The following CACNA2D3 variants were observed in gnomAD, a reference collection of about 807,000 sequenced individuals.
CACNA2D3 encodes voltage-dependent calcium channel subunit alpha-2/delta-3.
In CACNA2D3, 60 loss-of-function variants were observed where a neutral mutation model predicts 160.6. That is an observed-to-expected ratio of 0.37 (90% CI 0.30 to 0.46). CACNA2D3 has a LOEUF of 0.46. Among genes scored for constraint, CACNA2D3 ranks in the 20% least tolerant of loss-of-function variants. The probability of loss-of-function intolerance (pLI) is 1.00; values close to 1 mark genes in which losing one functional copy is unlikely to be tolerated. For missense variants in CACNA2D3, 1,205 were observed against 1,365.0 expected (o/e 0.88, Z 1.85); for synonymous variants, 558 against 492.9 (o/e 1.13, Z -1.75).
intron 11 of CACNA2D3, among the ~76,000 whole-genome samples, chr3:54,649,576 T>C (rs1164395196): frequency 6.6e-6 from 1 of 152,228 alleles, no homozygotes; most frequent in African/African-American, 2.4e-5. Context: ...GGTACAGTTC[T>C]TTTTGAGGCC....
At chr3:54,947,993 A>C (rs1369456099) in intron 27 of CACNA2D3, among the ~76,000 whole-genome samples, 2 of 152,208 alleles carry the variant, frequency 1.3e-5, no homozygotes, top group African/African-American at 4.8e-5. Context: ...ATCTGGAACC[A>C]CAGATGGGGG....
intron 4 of CACNA2D3, among the ~76,000 whole-genome samples, chr3:54,458,036 C>T (rs1223635530): frequency 6.6e-6 from 1 of 151,904 alleles, no homozygotes; most frequent in African/African-American, 2.4e-5. Context: ...TCCATTCTGC[C>T]AGCCTATATC....
In CACNA2D3 at chr3:54,879,094, AT is replaced by A. The variant is rs1699731060; in HGVS notation, c.1782+10del. 1.3e-6 allele frequency: 2 copies of A among 1,576,050 alleles called. No individual in the cohort carries two copies. The highest frequency in any genetic ancestry group is 1.2e-5 in the South Asian group (1 of 85,852). ...AAGAAGACAGTGGACAAAGGGGTAC[AT>A]TTTTCTCAAACATTTTTGCTGCTTA... is the stretch of plus-strand genomic sequence containing the variant. On this transcript the variant is annotated splice_donor_region_variant and intron_variant, in intron 19 of 37. Coordinates refer to ENST00000474759, the MANE Select transcript of CACNA2D3 (RefSeq NM_018398.3).
chr3:54,804,079 T>C (rs549170672), intron 13 of CACNA2D3, among the ~76,000 whole-genome samples: 2,356 of 151,840 alleles, frequency 0.016, 34 homozygotes, highest in African/African-American at 0.04. Flanking sequence ...AAGGAACAAC[T>C]GGTACCAGCC....
intron 31 of CACNA2D3, among the ~76,000 whole-genome samples, chr3:55,004,139 T>G (rs1703038206): frequency 6.6e-6 from 1 of 152,194 alleles, no homozygotes; most frequent in African/African-American, 2.4e-5. Flanking sequence ...TTATCGCCAG[T>G]GTAGGAAAAA....
intron 5 of CACNA2D3, among the ~76,000 whole-genome samples, chr3:54,524,484 G>A (rs1701694160): frequency 6.6e-6 from 1 of 151,734 alleles, no homozygotes; most frequent in Non-Finnish European, 1.5e-5. Context: ...ATTGTTGGGT[G>A]GTGTCTGTTG....
chr3:54,769,591 C>T (rs1398349302), intron 13 of CACNA2D3, among the ~76,000 whole-genome samples: 1 of 152,110 alleles, frequency 6.6e-6, no homozygotes, highest in African/African-American at 2.4e-5. Flanking sequence ...ATACGACCTG[C>T]CTTCCAGGGT....
intron 3 of CACNA2D3, among the ~76,000 whole-genome samples, chr3:54,322,498 G>T (rs1432860557): frequency 2.6e-5 from 4 of 152,210 alleles, no homozygotes; most frequent in Admixed American, 2.6e-4. Flanking sequence ...GACCAAACAG[G>T]CTTGGCAGGG....
At chr3:54,164,179 T>G (rs375964885) in intron 2 of CACNA2D3, among the ~76,000 whole-genome samples, 71 of 152,336 alleles carry the variant, frequency 4.7e-4, no homozygotes, top group African/African-American at 1.7e-3. Flanking sequence ...TGTCACTGTT[T>G]CTGTGTGTGA....
chr3:54,765,859 G>T (rs1429958668), intron 13 of CACNA2D3, among the ~76,000 whole-genome samples: 2 of 152,184 alleles, frequency 1.3e-5, no homozygotes, highest in Admixed American at 6.6e-5. Flanking sequence ...TGTCAGATCA[G>T]TGGGGCTAAG....
At chr3:55,028,803 C>T (rs1435050543) in intron 35 of CACNA2D3, among the ~76,000 whole-genome samples, 1 of 152,104 alleles carries the variant, frequency 6.6e-6, no homozygotes, top group East Asian at 1.9e-4. Context: ...CTCATCACTT[C>T]TCATAAAAAT....
rs1280480954 is a variant in CACNA2D3, at chr3:54,292,764, C to T, written c.205-27678C>T. ...GGTATAGCTGCTGTGGGAAACAGTT[C>T]AGTAGTTCTACAAAAAGTTAAATAT... On this transcript the variant is annotated intron_variant, in intron 2 of 37. Transcript: ENST00000474759. 3.9e-5 allele frequency among the ~76,000 whole-genome samples: 6 copies of T among 152,144 alleles called. No individual in the cohort carries two copies. The East Asian group carries it at 9.6e-4, about 24-fold the overall frequency.
At chr3:54,246,213 T>C (rs1281433996) in intron 2 of CACNA2D3, among the ~76,000 whole-genome samples, 1 of 152,252 alleles carries the variant, frequency 6.6e-6, no homozygotes, top group Non-Finnish European at 1.5e-5. Context: ...TCCTTTATAC[T>C]TGAAATTAAT....
intron 4 of CACNA2D3, among the ~76,000 whole-genome samples, chr3:54,400,930 A>T (rs1258737315): frequency 6.6e-6 from 1 of 152,176 alleles, no homozygotes; most frequent in East Asian, 1.9e-4. Context: ...TCTAAAAAGG[A>T]ATTCAGAATA....
At chr3:54,410,002 CT>C (rs1699638906) in intron 4 of CACNA2D3, among the ~76,000 whole-genome samples, 1 of 152,154 alleles carries the variant, frequency 6.6e-6, no homozygotes, top group Non-Finnish European at 1.5e-5. Flanking sequence ...ACATATAAGG[CT>C]GATGCAACAA....
intron 5 of CACNA2D3, among the ~76,000 whole-genome samples, chr3:54,552,126 T>G (rs1349395026): frequency 6.6e-6 from 1 of 152,140 alleles, no homozygotes; most frequent in Non-Finnish European, 1.5e-5. Flanking sequence ...GTCCAAATGC[T>G]GATAGTGATG....
intron 35 of CACNA2D3, among the ~76,000 whole-genome samples, chr3:55,035,556 G>A (rs1006702913): frequency 2.0e-5 from 3 of 152,182 alleles, no homozygotes; most frequent in Non-Finnish European, 2.9e-5. Flanking sequence ...GCGTATTTCA[G>A]TTCACAGTAA....
chr3:55,014,980 A>G (rs1703298187), intron 34 of CACNA2D3, among the ~76,000 whole-genome samples: 1 of 152,208 alleles, frequency 6.6e-6, no homozygotes. Context: ...AATAGACCCA[A>G]CGGTTTATCA....
intron 4 of CACNA2D3, among the ~76,000 whole-genome samples, chr3:54,501,254 C>T (rs886606783): frequency 6.6e-6 from 1 of 152,148 alleles, no homozygotes; most frequent in African/African-American, 2.4e-5. Flanking sequence ...ACATTCCTCC[C>T]TCCGGTTTCT....
Sources: allele counts gnomAD v4.1 joint callset (sites outside exome capture counted in the v4.1 genomes callset), GRCh38; gene constraint gnomAD v4.1.1; transcripts MANE v1.5; gene names NCBI Gene and HGNC (gene_info 2026-07-23, HGNC 2026-07-21).